Variants in ASCC2 observed in about 807,000 individuals in gnomAD.
ASCC2 encodes ASC-1 complex subunit P100.
ASCC2 carries 42 observed loss-of-function variants against 93.5 expected under a neutral mutation model. The ratio of observed to expected loss-of-function variants is 0.45; its 90% confidence interval spans 0.35 to 0.58. The LOEUF is 0.58. Among genes scored for constraint, ASCC2 ranks in the 20% least tolerant of loss-of-function variants. ASCC2 has a pLI of 0.00. For synonymous variants in ASCC2, 364 were observed against 384.2 expected, an observed-to-expected ratio of 0.95 and a Z score of 0.62; for missense variants, 859 against 977.6, an observed-to-expected ratio of 0.88 and a Z score of 1.62.
intron 4 of ASCC2, 151 bp from the exon 5 acceptor site, chr22:29,822,615 C>T (rs2061697253): frequency 5.0e-6 from 4 of 802,444 alleles, no homozygotes; most frequent in Non-Finnish European, 5.5e-6. Flanking sequence ...GCCATTCTCC[C>T]CCCGCCCTTT....
chr22:29,790,530 C>T lies in ASCC2; in HGVS notation c.2041G>A (p.Asp681Asn), dbSNP rs1335299058. The T allele has an allele frequency of 6.2e-7, 1 of 1,614,016 alleles. No individual in the cohort carries two copies. The highest frequency in any genetic ancestry group is 8.5e-7 in the Non-Finnish European group (1 of 1,180,038). Residue 681 changes from aspartate (D) to asparagine (N), a missense_variant, in exon 19 of 20, where the codon GAC (aspartate) becomes AAC (asparagine). Asp to Asn is a conservative substitution (Grantham distance 23). Coordinates refer to ENST00000307790, the MANE Select transcript of ASCC2 (RefSeq NM_032204.5). ...GCCTTCTCTCTCAGCACTGCAGGGT[C>T]CTGAACAAAATGGTCGGGCTGTGGA... is the stretch of plus-strand genomic sequence containing the variant. ...EAPKPDHFVQ[D>N]PAVLREKAEA... is the part of the protein sequence containing the mutation.
chr22:29,837,735 C>T (rs2064017980), intron 1 of ASCC2, among the ~76,000 whole-genome samples: 2 of 152,230 alleles, frequency 1.3e-5, no homozygotes, highest in Admixed American at 6.5e-5. Flanking sequence ...CTCCCAGTTA[C>T]TGTCATAGCT....
intron 5 of ASCC2, chr22:29,822,001 T>C (rs2061620402): frequency 2.4e-6 from 1 of 409,632 alleles, no homozygotes; most frequent in Non-Finnish European, 4.9e-6. Context: ...TTTGTCTTTT[T>C]TCTTTTTTTT....
In ASCC2 at chr22:29,790,493, C is replaced by A. The variant is rs750342179; in HGVS notation, c.2078G>T (p.Arg693Leu). 3.1e-6 allele frequency: 5 copies of A among 1,614,122 alleles called. No individual in the cohort carries two copies. In the African/African-American group the frequency reaches 4.0e-5, roughly 13 times the overall value. Reference sequence around the variant, plus strand: ...CCCTTTCTTGGCGAGAAAGGCCATGCGCCTGGCTTCTGCCTTCTCTCTCAG... The same window carrying A: ...CCCTTTCTTGGCGAGAAAGGCCATGAGCCTGGCTTCTGCCTTCTCTCTCAG... ...AVLREKAEARRMAFLAKKGYR... is the reference protein window; with the variant it reads ...AVLREKAEARLMAFLAKKGYR... The change falls in exon 19 of 20, where the codon CGC (arginine) becomes CTC (leucine). Residue 693 changes from arginine (R) to leucine (L), a missense_variant. Coordinates refer to ENST00000307790, the MANE Select transcript of ASCC2 (RefSeq NM_032204.5).
intron 4 of ASCC2, 131 bp from the exon 5 acceptor site, chr22:29,822,595 T>C: frequency 1.0e-6 from 1 of 985,238 alleles, no homozygotes; most frequent in South Asian, 1.8e-5. Context: ...TGCATAGACC[T>C]GGAGCAATGG....
chr22:29,809,854 A>T (rs960685870), intron 8 of ASCC2: 3 of 144,320 alleles, frequency 2.1e-5, no homozygotes, highest in African/African-American at 7.9e-5. Context: ...TATACTAATT[A>T]AAAAAAAACA....
chr22:29,832,587 CTTTTT>C, intron 1 of ASCC2: 22 of 199,960 alleles, frequency 1.1e-4, no homozygotes, highest in Middle Eastern at 2.0e-3. Context: ...TTTCCACCCA[CTTTTT>C]TTTTTTTTTT....
intron 5 of ASCC2, among the ~76,000 whole-genome samples, chr22:29,820,848 G>A (rs1398873842): frequency 7.9e-5 from 12 of 150,948 alleles, no homozygotes; most frequent in African/African-American, 2.9e-4. Context: ...GGAGGTTGCG[G>A]TGGGCCGAGA....
chr22:29,806,093 A>G, intron 12 of ASCC2, 123 bp downstream of exon 12: 2 of 1,067,982 alleles, frequency 1.9e-6, no homozygotes, highest in Non-Finnish European at 2.8e-6. Flanking sequence ...CACCTCGGAC[A>G]GCTGGCTGAC....
chr22:29,836,696 G>C (rs1224224298), intron 1 of ASCC2, among the ~76,000 whole-genome samples: 2 of 152,062 alleles, frequency 1.3e-5, no homozygotes, highest in Non-Finnish European at 2.9e-5. Flanking sequence ...GAGTAGCTGG[G>C]AATACAGGCA....
rs746763737 is a variant in ASCC2, at chr22:29,813,411, G to C, written c.833+19C>G. The C allele has an allele frequency of 6.6e-7, 1 of 1,510,728 alleles. No homozygotes were observed. Among genetic ancestry groups the C allele is most frequent in the South Asian group, 1.1e-5 (1 of 88,922 alleles). 93.6% of individuals were successfully genotyped at this position (1,510,728 alleles called of 1,614,324 possible). A position where few individuals can be genotyped will look rare whatever the true frequency, so the allele number is the denominator to read the frequency against. On this transcript the variant is annotated intron_variant, in intron 8 of 19. Transcript: ENST00000307790. ...ATAAGCCAGTATCTCTATTTCAACAGCCAGAACTACCGCCTTACCTGTAAC... is the reference window on the plus strand; with the variant it reads ...ATAAGCCAGTATCTCTATTTCAACACCCAGAACTACCGCCTTACCTGTAAC...
chr22:29,804,148 A>G (rs1415343547), intron 13 of ASCC2, among the ~76,000 whole-genome samples: 4 of 152,214 alleles, frequency 2.6e-5, no homozygotes, highest in African/African-American at 7.2e-5. Flanking sequence ...TGGCCAATCA[A>G]GACAGCCACA....
chr22:29,799,625 C>T lies in ASCC2; in HGVS notation c.1688+1366G>A, dbSNP rs528571679. Among the ~76,000 whole-genome samples the T allele has an allele frequency of 9.8e-5, 15 of 152,342 alleles. No homozygotes were observed. The South Asian group carries it at 2.5e-3, about 25-fold the overall frequency. On this transcript the variant is annotated intron_variant, in intron 15 of 19. Coordinates refer to ENST00000307790, the MANE Select transcript of ASCC2 (RefSeq NM_032204.5). ...ATTCACGTGATGGTGAAAGAGCAGCCTGTACTTGTAAAGAAGTCCCCTGAT... is the reference window on the plus strand; with the variant it reads ...ATTCACGTGATGGTGAAAGAGCAGCTTGTACTTGTAAAGAAGTCCCCTGAT...
chr22:29,814,367 G>A (rs2074707), intron 7 of ASCC2, among the ~76,000 whole-genome samples: 47,528 of 152,206 alleles, frequency 0.31, 8,543 homozygotes, highest in East Asian at 0.59. Context: ...AATGAATAAC[G>A]CACAAGTGAA....
intron 5 of ASCC2, among the ~76,000 whole-genome samples, chr22:29,819,709 G>T (rs1025547291): frequency 2.0e-5 from 3 of 152,096 alleles, no homozygotes; most frequent in Non-Finnish European, 4.4e-5. Flanking sequence ...TGGCTCCAAG[G>T]CTCCAAATCC....
At chr22:29,802,441 T>C (rs1397983862) in intron 13 of ASCC2, among the ~76,000 whole-genome samples, 1 of 151,878 alleles carries the variant, frequency 6.6e-6, no homozygotes, top group Non-Finnish European at 1.5e-5. Context: ...TATCAAAATA[T>C]CTCATGTAAC....
At chr22:29,807,969 G>T in intron 9 of ASCC2, 142 bp downstream of exon 9, 1 of 736,738 alleles carries the variant, frequency 1.4e-6, no homozygotes, top group South Asian at 1.8e-5. Flanking sequence ...TGGCTAGATA[G>T]GGATGCAGAA....
Position 29,804,656 on chromosome 22 carries a change from C to T in ASCC2, c.1335G>A (p.Glu445=). 1 of 1,613,964 alleles carries T rather than the reference C, an allele frequency of 6.2e-7. No homozygotes were observed. Among genetic ancestry groups the T allele is most frequent in the Non-Finnish European group, 8.5e-7 (1 of 1,179,986 alleles). Residue 445 remains glutamate (E), a synonymous_variant, in exon 13 of 20, where the codon GAG becomes GAA. Transcript: ENST00000307790. ...CACATACCTCCTCTTCCTCCGAGTT[C>T]TCCGGATGTGATGATGCTTGACTGA... ...EAVSQASSHP[E]NSEEEECMGA... is the part of the protein sequence containing the mutation.
At chr22:29,794,863 C>T (rs571437295) in intron 15 of ASCC2, among the ~76,000 whole-genome samples, 42 of 152,230 alleles carry the variant, frequency 2.8e-4, no homozygotes, top group African/African-American at 9.6e-4. Context: ...TATGGCCACA[C>T]GCCTATGCAT....
Sources: gnomAD v4.1 joint callset for allele counts (sites outside exome capture counted in the v4.1 genomes callset) on GRCh38, gnomAD v4.1.1 for gene constraint, MANE v1.5 for transcripts, NCBI Gene and HGNC (gene_info 2026-07-23, HGNC 2026-07-21) for gene names.